Variants in WDR72 observed in about 807,000 individuals in gnomAD.
WDR72 encodes WD repeat-containing protein 72.
WDR72 carries 120 observed loss-of-function variants against 124.2 expected under a neutral mutation model. That is an observed-to-expected ratio of 0.97 (90% confidence interval 0.83 to 1.12). The LOEUF (loss-of-function observed/expected upper bound fraction) is 1.12, where lower values mean the gene tolerates loss of function less well. Among genes scored for constraint, WDR72 ranks in the 50% most tolerant of loss-of-function variants. WDR72 has a pLI of 0.00. For missense variants in WDR72, 1,387 were observed against 1,278.8 expected (o/e 1.08, Z -1.29); for synonymous variants, 452 against 441.7 (o/e 1.02, Z -0.29).
chr15:53,709,370 T>TA (rs796402589), intron 9 of WDR72, among the ~76,000 whole-genome samples: 10 of 152,356 alleles, frequency 6.6e-5, no homozygotes, highest in African/African-American at 2.4e-4. Context: ...AAACAAGAAT[T>TA]ACTGGTAAAA....
At chr15:53,537,981 G>T (rs1440788723) in intron 18 of WDR72, among the ~76,000 whole-genome samples, 1 of 152,140 alleles carries the variant, frequency 6.6e-6, no homozygotes, top group Non-Finnish European at 1.5e-5. Flanking sequence ...AAAGTCATCT[G>T]TAATTCTTTT....
chr15:53,600,967 T>C (rs945689564), intron 17 of WDR72, among the ~76,000 whole-genome samples: 2 of 152,220 alleles, frequency 1.3e-5, no homozygotes, highest in African/African-American at 2.4e-5. Context: ...GACAAACTTA[T>C]TCATCAGCAA....
At chr15:53,741,297 C>T (rs1017871141) in intron 1 of WDR72, among the ~76,000 whole-genome samples, 2 of 152,176 alleles carry the variant, frequency 1.3e-5, no homozygotes. Context: ...ACCTTTATAG[C>T]CACAGGATTC....
At chr15:53,604,657 T>A (rs2013197419) in intron 17 of WDR72, among the ~76,000 whole-genome samples, 1 of 151,998 alleles carries the variant, frequency 6.6e-6, no homozygotes. Flanking sequence ...TATTAAAACA[T>A]GGGCAAAGGA....
intron 1 of WDR72, among the ~76,000 whole-genome samples, chr15:53,755,987 T>C (rs1275391166): frequency 2.6e-5 from 4 of 152,210 alleles, no homozygotes; most frequent in Admixed American, 6.5e-5. Flanking sequence ...ACAAAGAAAG[T>C]AGGAGTACTG....
chr15:53,743,701 G>A (rs1033194913), intron 1 of WDR72, among the ~76,000 whole-genome samples: 1 of 152,148 alleles, frequency 6.6e-6, no homozygotes, highest in African/African-American at 2.4e-5. Flanking sequence ...ATCAGGCCAG[G>A]CACAGTGGCT....
intron 14 of WDR72, among the ~76,000 whole-genome samples, chr15:53,636,462 T>TAAATC (rs2014627263): frequency 6.6e-6 from 1 of 152,160 alleles, no homozygotes; most frequent in Non-Finnish European, 1.5e-5. Flanking sequence ...TAAATTAAAT[T>TAAATC]AAATCGGGAG....
chr15:53,708,309 T>C (rs2017441381), intron 9 of WDR72, among the ~76,000 whole-genome samples: 1 of 152,190 alleles, frequency 6.6e-6, no homozygotes. Context: ...AAGAGCAAGT[T>C]GGTTACTGTA....
Position 53,597,272 on chromosome 15 carries a change from T to G in WDR72, c.2955A>C (p.Val985=). The change falls in exon 18 of 20, where the codon GTA becomes GTC. Residue 985 remains valine (V), a splice_region_variant and synonymous_variant. Coordinates refer to ENST00000360509, the MANE Select transcript of WDR72 (RefSeq NM_182758.4). ...ISCWRDQSVQ[V]TEAIQAVLLA... Reference sequence around the variant, plus strand: ...AGAGAACAGCTTGTATTGCTTCAGTTACCTGTAAGGTATTTTTTTAAGTGA... The same window carrying G: ...AGAGAACAGCTTGTATTGCTTCAGTGACCTGTAAGGTATTTTTTTAAGTGA... 6.2e-7 allele frequency: 1 copy of G among 1,613,648 alleles called. No homozygotes were observed. The highest frequency in any genetic ancestry group is 8.5e-7 in the Non-Finnish European group (1 of 1,179,710).
chr15:53,528,204 A>C (rs1179141444), intron 18 of WDR72, among the ~76,000 whole-genome samples: 1 of 152,056 alleles, frequency 6.6e-6, no homozygotes, highest in Non-Finnish European at 1.5e-5. Flanking sequence ...CTTATCAGGA[A>C]AACTTATCTG....
chr15:53,585,583 G>A (rs1260461940), intron 18 of WDR72, among the ~76,000 whole-genome samples: 1 of 151,956 alleles, frequency 6.6e-6, no homozygotes, highest in Non-Finnish European at 1.5e-5. Context: ...CTGTTAATTT[G>A]TCTACCGTCT....
At chr15:53,554,370 C>T (rs758804613) in intron 18 of WDR72, among the ~76,000 whole-genome samples, 119 of 152,198 alleles carry the variant, frequency 7.8e-4, no homozygotes, top group Non-Finnish European at 1.4e-3. Context: ...GAGAAACCCT[C>T]ACCATATATT....
chr15:53,684,498 C>T (rs1299918946), intron 13 of WDR72: 10 of 161,600 alleles, frequency 6.2e-5, no homozygotes, highest in South Asian at 1.9e-4. Flanking sequence ...TGCGCTTTTC[C>T]GACGGGCTTA....
intron 1 of WDR72, among the ~76,000 whole-genome samples, chr15:53,735,284 G>T (rs1437435688): frequency 6.6e-6 from 1 of 151,644 alleles, no homozygotes; most frequent in Non-Finnish European, 1.5e-5. Context: ...GAGCAAGACA[G>T]GGGGGAAAAA....
Position 53,615,525 on chromosome 15 carries a change from G to C in WDR72, c.2681C>G (p.Ser894Cys). Residue 894 changes from serine (S) to cysteine (C), a missense_variant, in exon 15 of 20, where the codon TCT becomes TGT. Ser to Cys is a moderately radical substitution (Grantham distance 112). Coordinates refer to ENST00000360509, the MANE Select transcript of WDR72 (RefSeq NM_182758.4). ...AACTATAGTATCTGACTCTCGCAAA[G>C]AATCACAATTATTTTCCAATCCTCT... The part of the protein sequence containing the change: ...IPRGLENNCD[S>C]LRESDTIVYL... 6.2e-7 allele frequency: 1 copy of C among 1,612,836 alleles called. No individual in the cohort carries two copies. Among genetic ancestry groups the C allele is most frequent in the Non-Finnish European group, 8.5e-7 (1 of 1,179,368 alleles).
intron 2 of WDR72, among the ~76,000 whole-genome samples, chr15:53,730,607 T>A (rs1270745104): frequency 6.6e-6 from 1 of 152,250 alleles, no homozygotes. Context: ...AATGGCTCCC[T>A]GTTCACTTTA....
At chr15:53,741,699 T>C (rs1372717492) in intron 1 of WDR72, among the ~76,000 whole-genome samples, 2 of 151,948 alleles carry the variant, frequency 1.3e-5, no homozygotes, top group African/African-American at 4.8e-5. Flanking sequence ...CCCTCACTTA[T>C]AAGAAAGCTG....
intron 1 of WDR72, among the ~76,000 whole-genome samples, chr15:53,734,559 A>T (rs1171206443): frequency 6.6e-6 from 1 of 152,170 alleles, no homozygotes; most frequent in Non-Finnish European, 1.5e-5. Context: ...AGTCTGGAAA[A>T]TCCCAAGCAG....
At chr15:53,658,153 T>G (rs577893400) in intron 14 of WDR72, among the ~76,000 whole-genome samples, 25 of 152,286 alleles carry the variant, frequency 1.6e-4, no homozygotes, top group Admixed American at 7.8e-4. Context: ...TTTAAATAAA[T>G]TATATCTGTA....
Sources: allele counts gnomAD v4.1 joint callset (sites outside exome capture counted in the v4.1 genomes callset), GRCh38; gene constraint gnomAD v4.1.1; transcripts MANE v1.5; gene names NCBI Gene and HGNC (gene_info 2026-07-23, HGNC 2026-07-21).